The following SRBD1 variants were observed in gnomAD, a reference collection of about 807,000 sequenced individuals.
SRBD1 encodes S1 RNA-binding domain-containing protein 1.
Under a neutral mutation model 115.3 loss-of-function variants are expected in SRBD1, and 88 were observed. The ratio of observed to expected loss-of-function variants is 0.76; its 90% CI spans 0.64 to 0.91. The LOEUF is 0.91. Ranked by LOEUF, SRBD1 falls within the 40% of genes least tolerant of loss-of-function variation. SRBD1 has a pLI of 0.00. For missense variants in SRBD1, 1,385 were observed against 1,177.4 expected, an observed-to-expected ratio of 1.18 and a Z score of -2.58; for synonymous variants, 509 against 407.7, an observed-to-expected ratio of 1.25 and a Z score of -2.99.
rs565609281 is a variant in SRBD1 at position 45,493,117 on chromosome 2, T to C, written c.1875-4786A>G. Among the ~76,000 whole-genome samples the C allele has an allele frequency of 9.8e-5, 15 of 152,330 alleles. No homozygotes were observed. In the East Asian group the frequency reaches 1.7e-3, roughly 18 times the overall value. ...AAATGAAGGTATTAAAAAGCCACTA[T>C]GCCAAATGCCTAGCTCATCTCAAAG... On this transcript the variant is annotated intron_variant, in intron 14 of 20. Coordinates refer to ENST00000263736, the MANE Select transcript of SRBD1 (RefSeq NM_018079.5).
At chr2:45,557,914 A>G (rs956750792) in intron 10 of SRBD1, among the ~76,000 whole-genome samples, 1 of 152,216 alleles carries the variant, frequency 6.6e-6, no homozygotes, top group Non-Finnish European at 1.5e-5. Flanking sequence ...TATGTTGCAT[A>G]CAATGAAGCA....
At position 45,393,137 on chromosome 2, in the gene SRBD1, G is replaced by A; in HGVS notation, c.2514-8C>T. On this transcript the variant is annotated splice_region_variant and splice_polypyrimidine_tract_variant and intron_variant, in intron 19 of 20. Coordinates refer to ENST00000263736, the MANE Select transcript of SRBD1 (RefSeq NM_018079.5). ...CCAATGGATGACAAAAACCTGCAGT[G>A]GAAAAAATAAAAAGCGCAACACTTA... 1.3e-6 allele frequency: 2 copies of A among 1,590,120 alleles called. No homozygotes were observed. The highest frequency in any genetic ancestry group is 1.7e-6 in the Non-Finnish European group (2 of 1,171,582).
At chr2:45,600,273 T>G (rs959067211) in intron 3 of SRBD1, among the ~76,000 whole-genome samples, 4 of 151,954 alleles carry the variant, frequency 2.6e-5, no homozygotes, top group Non-Finnish European at 4.4e-5. Context: ...ATCTCGGTTG[T>G]GACATCTTAC....
intron 14 of SRBD1, among the ~76,000 whole-genome samples, chr2:45,539,464 T>G (rs1291383501): frequency 6.6e-6 from 1 of 152,194 alleles, no homozygotes; most frequent in African/African-American, 2.4e-5. Flanking sequence ...ACTCCAGAGT[T>G]AGGTTAAACC....
At chr2:45,492,927 G>C (rs1670343642) in intron 14 of SRBD1, among the ~76,000 whole-genome samples, 1 of 152,138 alleles carries the variant, frequency 6.6e-6, no homozygotes, top group African/African-American at 2.4e-5. Context: ...AAAGTAATTT[G>C]CTTAAATAAA....
intron 6 of SRBD1, 93 bp from the exon 7 acceptor site, chr2:45,580,106 A>G (rs554170616): frequency 2.0e-5 from 21 of 1,072,438 alleles, no homozygotes; most frequent in Middle Eastern, 5.7e-4. Context: ...TGAGAATGCT[A>G]AAGAAATCCT....
intron 16 of SRBD1, among the ~76,000 whole-genome samples, chr2:45,427,931 G>C (rs1235299611): frequency 6.6e-6 from 1 of 152,152 alleles, no homozygotes; most frequent in Non-Finnish European, 1.5e-5. Flanking sequence ...GTCAATATCA[G>C]ACAGATGAAT....
intron 16 of SRBD1, among the ~76,000 whole-genome samples, chr2:45,439,776 G>A (rs1668604443): frequency 6.7e-6 from 1 of 149,630 alleles, no homozygotes; most frequent in Non-Finnish European, 1.5e-5. Context: ...ATTTTTTTCT[G>A]CAGGTAGATC....
chr2:45,421,506 C>T (rs62127102), intron 16 of SRBD1, among the ~76,000 whole-genome samples: 2 of 48,068 alleles, frequency 4.2e-5, no homozygotes, highest in Non-Finnish European at 7.3e-5. Context: ...GACTCCGTCT[C>T]AAACAAAAAA....
intron 14 of SRBD1, among the ~76,000 whole-genome samples, chr2:45,499,090 C>A (rs973896603): frequency 1.3e-5 from 2 of 152,088 alleles, no homozygotes; most frequent in African/African-American, 4.8e-5. Flanking sequence ...TCCACAATGG[C>A]TATACTACCT....
At chr2:45,436,506 A>G (rs566564555) in intron 16 of SRBD1, among the ~76,000 whole-genome samples, 113 of 152,324 alleles carry the variant, frequency 7.4e-4, no homozygotes, top group Non-Finnish European at 1.2e-3. Flanking sequence ...TTTATGAAGG[A>G]AAGAGGTTTA....
intron 9 of SRBD1, among the ~76,000 whole-genome samples, chr2:45,564,353 C>G (rs1329896922): frequency 6.6e-6 from 1 of 152,110 alleles, no homozygotes; most frequent in Non-Finnish European, 1.5e-5. Flanking sequence ...ATTTACTGGT[C>G]AAAGACCAGG....
At chr2:45,609,828 TTTA>T (rs781531433) in intron 1 of SRBD1, among the ~76,000 whole-genome samples, 2 of 152,188 alleles carry the variant, frequency 1.3e-5, no homozygotes, top group African/African-American at 2.4e-5. Flanking sequence ...TGTAATTATT[TTTA>T]TTTTACTTGT....
chr2:45,423,807 A>G (rs755939455), intron 16 of SRBD1, among the ~76,000 whole-genome samples: 9 of 152,120 alleles, frequency 5.9e-5, no homozygotes, highest in Non-Finnish European at 1.3e-4. Flanking sequence ...AAATACTAAT[A>G]AACTAAATCC....
chr2:45,418,593 A>G, intron 17 of SRBD1, 52 bp from the exon 18 acceptor site: 3 of 1,445,586 alleles, frequency 2.1e-6, no homozygotes, highest in Non-Finnish European at 2.8e-6. Context: ...TGAAAAGACA[A>G]TGATATAAAA....
At chr2:45,423,862 T>A (rs531711163) in intron 16 of SRBD1, among the ~76,000 whole-genome samples, 7 of 152,148 alleles carry the variant, frequency 4.6e-5, no homozygotes, top group Non-Finnish European at 1.0e-4. Flanking sequence ...ACATATAATG[T>A]ATTCAGTATG....
intron 14 of SRBD1, among the ~76,000 whole-genome samples, chr2:45,545,275 G>C (rs1372508049): frequency 1.2e-5 from 1 of 85,124 alleles, no homozygotes; most frequent in Admixed American, 1.8e-4. Context: ...GCGAGACTCT[G>C]TCTCAATTAA....
chr2:45,551,082 C>T, intron 12 of SRBD1, 43 bp downstream of exon 12: 1 of 1,556,604 alleles, frequency 6.4e-7, no homozygotes, highest in Non-Finnish European at 8.6e-7. Flanking sequence ...AAACTTATAA[C>T]CAACCAAACA....
chr2:45,581,929 C>A, intron 5 of SRBD1, 119 bp from the exon 6 acceptor site: 6 of 737,802 alleles, frequency 8.1e-6, no homozygotes, highest in South Asian at 7.9e-5. Flanking sequence ...TGTCTCTGAA[C>A]TGTTTGAGAA....
Sources: gnomAD v4.1 joint callset for allele counts (sites outside exome capture counted in the v4.1 genomes callset) on GRCh38, gnomAD v4.1.1 for gene constraint, MANE v1.5 for transcripts, NCBI Gene and HGNC (gene_info 2026-07-23, HGNC 2026-07-21) for gene names.